KCNN1: variants seen among roughly 807,000 people sequenced by gnomAD.
KCNN1 encodes small conductance calcium-activated potassium channel protein 1.
KCNN1 carries 20 observed loss-of-function variants against 44.7 expected under a neutral mutation model. The ratio of observed to expected loss-of-function variants is 0.45; its 90% CI spans 0.32 to 0.65. The LOEUF (loss-of-function observed/expected upper bound fraction) is 0.65. KCNN1 is among the 30% of genes least tolerant of loss of function. KCNN1 has a pLI of 0.05. For missense variants in KCNN1, 632 were observed against 785.3 expected (o/e 0.80, Z 2.33); for synonymous variants, 324 against 341.7 (o/e 0.95, Z 0.57).
chr19:17,979,803 T>C (rs1183560938), intron 3 of KCNN1, among the ~76,000 whole-genome samples: 1 of 152,088 alleles, frequency 6.6e-6, no homozygotes, highest in Non-Finnish European at 1.5e-5. Flanking sequence ...GACTTTTTTT[T>C]CTTTTTCTTA....
intron 5 of KCNN1, among the ~76,000 whole-genome samples, chr19:17,988,154 CAAAAAAAAAAAA>C (rs59928660): frequency 1.9e-5 from 1 of 53,524 alleles, no homozygotes; most frequent in Non-Finnish European, 3.6e-5. Context: ...GACTCCATCT[CAAAAAAAAAAAA>C]AAAAAAAAAA....
chr19:17,969,713 G>C (rs534240084), intron 1 of KCNN1, among the ~76,000 whole-genome samples: 91 of 152,304 alleles, frequency 6.0e-4, no homozygotes, highest in Non-Finnish European at 7.6e-4. Flanking sequence ...AGAGGCCATC[G>C]GAGGCCTACA....
chr19:17,956,535 G>C (rs779930611), intron 2 of KCNN1, among the ~76,000 whole-genome samples: 5 of 152,022 alleles, frequency 3.3e-5, no homozygotes, highest in Non-Finnish European at 7.4e-5. Context: ...TTGAGCTCAG[G>C]AGCTTGAGAC....
intron 1 of KCNN1, among the ~76,000 whole-genome samples, chr19:17,970,862 A>G (rs1026339866): frequency 4.0e-4 from 60 of 151,144 alleles, no homozygotes; most frequent in African/African-American, 1.4e-3. Flanking sequence ...AAAGTCACCC[A>G]TGTCCAACTC....
At chr19:17,975,237 C>A (rs770170812) in intron 3 of KCNN1, 50 bp downstream of exon 3, 9 of 1,345,764 alleles carry the variant, frequency 6.7e-6, no homozygotes, top group South Asian at 4.7e-5. Context: ...AACCCCAGAT[C>A]CCCCCACACC....
chr19:17,971,950 A>G (rs566650422), intron 1 of KCNN1: 1 of 152,156 alleles, frequency 6.6e-6, no homozygotes, highest in South Asian at 2.1e-4. Context: ...AGGAAGGATC[A>G]CTGGAGCCCA....
intron 4 of KCNN1, 122 bp downstream of exon 4, chr19:17,982,249 C>T (rs1406998629): frequency 7.1e-6 from 6 of 843,508 alleles, no homozygotes; most frequent in Non-Finnish European, 8.9e-6. Flanking sequence ...TTCTGTCTCC[C>T]CGACTGCAAG....
intron 3 of KCNN1, among the ~76,000 whole-genome samples, chr19:17,979,635 C>A (rs1388057024): frequency 9.2e-5 from 14 of 151,748 alleles, no homozygotes; most frequent in Non-Finnish European, 1.5e-5. Context: ...TGTATCTTGG[C>A]GCTCCCCTCA....
chr19:17,978,123 CTTGT>C (rs1182186266), intron 3 of KCNN1, among the ~76,000 whole-genome samples: 2 of 147,294 alleles, frequency 1.4e-5, no homozygotes, highest in Non-Finnish European at 3.0e-5. Context: ...TATATGTATA[CTTGT>C]TTTTTTTTTT....
chr19:17,984,441 C>A (rs955733695), intron 4 of KCNN1, among the ~76,000 whole-genome samples: 14 of 152,130 alleles, frequency 9.2e-5, no homozygotes, highest in African/African-American at 3.1e-4. Flanking sequence ...TGACCTTGAA[C>A]ACCCCAGAGG....
intron 2 of KCNN1, among the ~76,000 whole-genome samples, chr19:17,959,507 C>T (rs997785600): frequency 2.6e-4 from 40 of 152,176 alleles, no homozygotes; most frequent in Middle Eastern, 6.8e-3. Flanking sequence ...CCACCCACCT[C>T]GGCCTCCCAA....
At chr19:17,968,769 C>T (rs1339476046) in intron 1 of KCNN1, among the ~76,000 whole-genome samples, 2 of 152,116 alleles carry the variant, frequency 1.3e-5, no homozygotes, top group Non-Finnish European at 2.9e-5. Flanking sequence ...CCCTGCACCC[C>T]AGGCTTCAGG....
At chr19:17,964,369 G>A (rs1017214707), upstream of KCNN1, among the ~76,000 whole-genome samples, 8 of 152,144 alleles carry the variant, frequency 5.3e-5, no homozygotes, top group Admixed American at 1.3e-4. This position sits in a 1 kb window ranked among gnomAD's most constrained non-coding sequence, Gnocchi z 4.3. Context: ...TCCTGTGAAC[G>A]TCTTCCAGTT....
Position 17,998,018 on chromosome 19 carries a change from C to A in KCNN1, c.1378-134C>A. 1.0e-6 allele frequency: 1 copy of A among 987,940 alleles called. No individual in the cohort carries two copies. The highest frequency in any genetic ancestry group is 1.4e-6 in the Non-Finnish European group (1 of 706,866). The allele number at this position is 987,940 out of a possible 1,614,324, so 61.2% of individuals were successfully genotyped here. A position where few individuals can be genotyped will look rare whatever the true frequency, so the allele number is the denominator to read the frequency against. On this transcript the variant is annotated intron_variant, in intron 9 of 9. Transcript: ENST00000684775. This position sits in a 1 kb window ranked among gnomAD's most constrained non-coding sequence, Gnocchi z 5.4. ...TGGGGGTATCCTCCCAGCCACCCCT[C>A]ACACGGGCCCCATTAGTGGCTGGCA...
chr19:17,973,945 C>T lies in KCNN1; in HGVS notation c.57C>T (p.Gly19=), dbSNP rs554018689. The change falls in exon 2 of 10, where the codon GGC becomes GGT. Residue 19 remains glycine, a synonymous_variant. Transcript: ENST00000684775. ...GGCGGCCGCTGGGCAGCGGGCCGGG[C>T]GCCCTGGGACGAGACCCTCCGGACC... is the stretch of plus-strand genomic sequence containing the variant. The part of the protein sequence containing the change: ...SVGRPLGSGP[G]ALGRDPPDPE... 3.1e-5 allele frequency: 49 copies of T among 1,557,160 alleles called. No homozygotes were observed. Among genetic ancestry groups the T allele is most frequent in the South Asian group, 5.9e-5 (5 of 85,246 alleles).
chr19:17,970,910 G>T (rs1453187579), intron 1 of KCNN1, among the ~76,000 whole-genome samples: 2 of 150,094 alleles, frequency 1.3e-5, no homozygotes, highest in Non-Finnish European at 3.0e-5. Context: ...TTGAGACAGA[G>T]TCTCACTCTG....
intron 2 of KCNN1, among the ~76,000 whole-genome samples, chr19:17,958,982 G>A (rs2031612679): frequency 1.4e-5 from 2 of 147,490 alleles, no homozygotes; most frequent in South Asian, 2.1e-4. Context: ...TTACAGGCGT[G>A]AGCCACCACG....
intron 1 of KCNN1, among the ~76,000 whole-genome samples, chr19:17,969,067 G>T (rs2031920479): frequency 6.6e-6 from 1 of 152,058 alleles, no homozygotes; most frequent in Admixed American, 6.6e-5. Context: ...CTTGGCTGAG[G>T]GTTCCCAGGG....
chr19:17,985,290 C>T (rs2032559932), intron 4 of KCNN1, 22 bp from the exon 5 acceptor site: 16 of 1,572,802 alleles, frequency 1.0e-5, no homozygotes, highest in Non-Finnish European at 1.4e-5. Context: ...AGCCCTCCCT[C>T]TTCCCACTCT....
Sources: allele counts gnomAD v4.1 joint callset (sites outside exome capture counted in the v4.1 genomes callset), GRCh38; gene constraint gnomAD v4.1.1; non-coding constraint Gnocchi (gnomAD v3.1); transcripts MANE v1.5; gene names NCBI Gene and HGNC (gene_info 2026-07-23, HGNC 2026-07-21).